Variants in SUGCT observed in about 807,000 individuals in gnomAD.
The protein encoded by SUGCT is succinyl-CoA:glutarate CoA-transferase.
In SUGCT, 41 loss-of-function variants were observed where a neutral mutation model predicts 55.0. The observed-to-expected ratio is 0.74, with a 90% CI of 0.58 to 0.97. The LOEUF is 0.97. Ranked by LOEUF, SUGCT falls within the 50% of genes least tolerant of loss-of-function variation. SUGCT has a pLI of 0.00. For synonymous variants in SUGCT, 187 were observed against 200.4 expected, an observed-to-expected ratio of 0.93 and a Z score of 0.56; for missense variants, 568 against 547.8, an observed-to-expected ratio of 1.04 and a Z score of -0.37.
chr7:40,949,276 T>A, the SUGCT span, among the ~76,000 whole-genome samples: 3 of 152,238 alleles, frequency 2.0e-5, no homozygotes, highest in African/African-American at 7.2e-5. Context: ...TCTGTTCATA[T>A]CCTTTGCCCA....
At chr7:40,138,512 A>G (rs1787814277) in intron 1 of SUGCT, among the ~76,000 whole-genome samples, 1 of 152,212 alleles carries the variant, frequency 6.6e-6, no homozygotes, top group African/African-American at 2.4e-5. Flanking sequence ...GTAGATGCAC[A>G]GTAGTGGGAT....
chr7:40,552,819 A>G (rs376980485), intron 12 of SUGCT, among the ~76,000 whole-genome samples: 80 of 150,246 alleles, frequency 5.3e-4, no homozygotes, highest in Middle Eastern at 3.4e-3. Flanking sequence ...GTATTAATCA[A>G]TTGGTTCAGG....
intron 9 of SUGCT, among the ~76,000 whole-genome samples, chr7:40,390,063 G>A (rs948382314): frequency 1.3e-5 from 2 of 152,086 alleles, no homozygotes; most frequent in Non-Finnish European, 2.9e-5. Flanking sequence ...ATGCAGAAAA[G>A]GCCTTCGACA....
chr7:40,462,483 T>C (rs2151452417), intron 11 of SUGCT, among the ~76,000 whole-genome samples: 1 of 152,246 alleles, frequency 6.6e-6, no homozygotes, highest in African/African-American at 2.4e-5. Flanking sequence ...GATTTGCTTA[T>C]TGCAACTTTT....
At chr7:40,776,740 C>A (rs1789471510) in intron 13 of SUGCT, among the ~76,000 whole-genome samples, 2 of 152,192 alleles carry the variant, frequency 1.3e-5, no homozygotes, top group South Asian at 4.1e-4. Flanking sequence ...CTAAAGCTGG[C>A]TGGTACCTAG....
chr7:40,690,124 A>G (rs1011564117), intron 12 of SUGCT, among the ~76,000 whole-genome samples: 4 of 152,156 alleles, frequency 2.6e-5, no homozygotes, highest in Non-Finnish European at 4.4e-5. Flanking sequence ...TTCATAGTTG[A>G]GCCCCTTATT....
chr7:40,845,103 T>C (rs1793491931), intron 13 of SUGCT, among the ~76,000 whole-genome samples: 1 of 152,128 alleles, frequency 6.6e-6, no homozygotes, highest in South Asian at 2.1e-4. Flanking sequence ...CACTTACTGA[T>C]GGAATACTCA....
the SUGCT span, among the ~76,000 whole-genome samples, chr7:41,032,886 C>T: frequency 6.6e-6 from 1 of 152,186 alleles, no homozygotes; most frequent in African/African-American, 2.4e-5. Flanking sequence ...GCCTCAGCCT[C>T]CTGAGTAGCT....
intron 13 of SUGCT, among the ~76,000 whole-genome samples, chr7:40,836,350 T>C (rs570640989): frequency 3.9e-5 from 6 of 152,368 alleles, no homozygotes; most frequent in African/African-American, 1.4e-4. Context: ...TTGTAAGAAA[T>C]TATCTGTTCA....
chr7:40,459,192 C>G lies in SUGCT; in HGVS notation c.980C>G (p.Ser327Cys). ...HNRKELIKIL[S>C]ERFEEELTSK... Reference sequence around the variant, plus strand: ...AGAAAAGAGCTTATTAAAATATTATCTGAACGGTAAGTTTGGATGTTGTAT... The same window carrying G: ...AGAAAAGAGCTTATTAAAATATTATGTGAACGGTAAGTTTGGATGTTGTAT... Residue 327 changes from serine to cysteine, a missense_variant, in exon 11 of 14, where the codon TCT becomes TGT. Coordinates refer to ENST00000335693, the MANE Select transcript of SUGCT (RefSeq NM_001193313.2). The G allele has an allele frequency of 6.3e-7, 1 of 1,588,150 alleles. No homozygotes were observed. Among genetic ancestry groups the G allele is most frequent in the Non-Finnish European group, 8.6e-7 (1 of 1,158,770 alleles).
intron 12 of SUGCT, among the ~76,000 whole-genome samples, chr7:40,615,368 T>C (rs1798952754): frequency 6.6e-6 from 1 of 152,206 alleles, no homozygotes; most frequent in Admixed American, 6.5e-5. Context: ...AAACCATTTT[T>C]CCAGAACCTC....
At chr7:40,274,005 A>C (rs1792287012) in intron 7 of SUGCT, among the ~76,000 whole-genome samples, 2 of 151,544 alleles carry the variant, frequency 1.3e-5, no homozygotes, top group South Asian at 4.2e-4. Flanking sequence ...ATTATTAAGC[A>C]AACACTGTTA....
At chr7:40,913,200 C>T in the SUGCT span, among the ~76,000 whole-genome samples, 3 of 151,862 alleles carry the variant, frequency 2.0e-5, no homozygotes, top group Admixed American at 6.6e-5. Flanking sequence ...TTAGTAGAGA[C>T]GGGGTTTCAC....
At chr7:40,220,373 A>C (rs1787954211) in intron 6 of SUGCT, among the ~76,000 whole-genome samples, 1 of 152,220 alleles carries the variant, frequency 6.6e-6, no homozygotes, top group African/African-American at 2.4e-5. Context: ...TTATGAATTA[A>C]AAACATAAAC....
At chr7:40,748,921 A>G (rs1323076325) in intron 12 of SUGCT, among the ~76,000 whole-genome samples, 1 of 151,928 alleles carries the variant, frequency 6.6e-6, no homozygotes, top group Non-Finnish European at 1.5e-5. Context: ...GAATCCTTCC[A>G]CCTCCAGCAG....
intron 6 of SUGCT, among the ~76,000 whole-genome samples, chr7:40,232,291 A>G (rs1354326665): frequency 2.0e-5 from 3 of 152,232 alleles, no homozygotes; most frequent in African/African-American, 7.2e-5. Context: ...GTCCTTGAAC[A>G]GATCCCTGTC....
chr7:40,698,903 A>G (rs1785055772), intron 12 of SUGCT, among the ~76,000 whole-genome samples: 1 of 152,106 alleles, frequency 6.6e-6, no homozygotes. Flanking sequence ...TCATTCCAAG[A>G]CTTTCGGGCT....
At chr7:40,178,621 C>T (rs918511321) in intron 1 of SUGCT, among the ~76,000 whole-genome samples, 1 of 151,924 alleles carries the variant, frequency 6.6e-6, no homozygotes, top group African/African-American at 2.4e-5. Context: ...ATAACCAATA[C>T]TTTATATCTG....
the SUGCT span, among the ~76,000 whole-genome samples, chr7:40,903,837 G>C: frequency 6.6e-6 from 1 of 152,258 alleles, no homozygotes; most frequent in African/African-American, 2.4e-5. Flanking sequence ...AGGCTTGAAG[G>C]GTGCCTCTGT....
Sources: gnomAD v4.1 joint callset for allele counts (sites outside exome capture counted in the v4.1 genomes callset) on GRCh38, gnomAD v4.1.1 for gene constraint, MANE v1.5 for transcripts, NCBI Gene and HGNC (gene_info 2026-07-23, HGNC 2026-07-21) for gene names.